The following SLFN11 variants were observed in gnomAD, a reference collection of about 807,000 sequenced individuals.
SLFN11 encodes schlafen family member 11.
In SLFN11, 43 loss-of-function variants were observed where a neutral mutation model predicts 53.4. The ratio of observed to expected loss-of-function variants is 0.80; its 90% CI spans 0.63 to 1.04. SLFN11 has a LOEUF of 1.04. Ranked by LOEUF, SLFN11 falls within the 50% of genes least tolerant of loss-of-function variation. The pLI is 0.00. For synonymous variants in SLFN11, 389 were observed against 394.7 expected (o/e 0.99, Z 0.17); for missense variants, 990 against 1,079.1 (o/e 0.92, Z 1.16).
chr17:35,363,666 G>A lies in SLFN11; in HGVS notation c.142C>T (p.Arg48Trp), dbSNP rs192676350. 3.1e-5 allele frequency: 50 copies of A among 1,613,822 alleles called. No individual in the cohort carries two copies. In the East Asian group the frequency reaches 5.6e-4, roughly 18 times the overall value. Residue 48 changes from arginine to tryptophan, a missense_variant, in exon 4 of 7, where the codon CGG (arginine) becomes TGG (tryptophan). Arg to Trp is a moderately radical substitution (Grantham distance 101, BLOSUM62 -3). This residue lies in a region of SLFN11 where 521 missense variants were observed against 516.2 expected (regional missense o/e 1.01). Transcript: ENST00000685675. ...GAGTTTAATAAAGCACATGCAGCCC[G>A]CATAACTCTCTCCTTCTCTTGGTCT... The part of the protein sequence containing the change: ...QRDQEKERVM[R>W]AACALLNSGG...
At chr17:35,365,614 T>C in intron 3 of SLFN11, among the ~76,000 whole-genome samples, 1 of 152,044 alleles carries the variant, frequency 6.6e-6, no homozygotes, top group Non-Finnish European at 1.5e-5. Flanking sequence ...ATTTTAATAA[T>C]AGAATGGAGA....
At position 35,352,694 on chromosome 17, in the gene SLFN11, T is replaced by A; in HGVS notation, c.2368A>T (p.Thr790Ser). 1 of 1,614,180 alleles carries A rather than the reference T, an allele frequency of 6.2e-7. No individual in the cohort carries two copies. The change falls in exon 7 of 7, where the codon ACC becomes TCC. Residue 790 changes from threonine (T) to serine (S), a missense_variant. Thr to Ser is a moderately conservative substitution (Grantham distance 58, BLOSUM62 1). This residue lies in a region of SLFN11 where 313 missense variants were observed against 320.9 expected (regional missense o/e 0.98). Transcript: ENST00000685675. The part of the protein sequence containing the change: ...KKYLTVEQIM[T>S]CVADTCRRFF... Reference sequence around the variant, plus strand: ...CGCCTGCACGTGTCTGCCACACAGGTCATTATTTGCTCCACAGTCAAGTAT... The same window carrying A: ...CGCCTGCACGTGTCTGCCACACAGGACATTATTTGCTCCACAGTCAAGTAT...
At chr17:35,357,139 C>CGT (rs35291259) in intron 5 of SLFN11, among the ~76,000 whole-genome samples, 8,369 of 142,742 alleles carry the variant, frequency 0.059, 268 homozygotes, top group East Asian at 0.096. Flanking sequence ...TTTTTCTGTG[C>CGT]GTGTGTGTGT....
rs147050533 is a variant in SLFN11 at position 35,371,379 on chromosome 17, C to T, written c.-235+2095G>A. ...ACACTGTGAAACTACTACAAGTAAA[C>T]ATTGGGTAAGATCTCCAGGACATTG... On this transcript the variant is annotated intron_variant, in intron 1 of 6. Coordinates refer to ENST00000685675, the MANE Select transcript of SLFN11 (RefSeq NM_001376007.1). 4.6e-5 allele frequency among the ~76,000 whole-genome samples: 7 copies of T among 152,214 alleles called. No individual in the cohort carries two copies. In the East Asian group the frequency reaches 1.3e-3, roughly 29 times the overall value.
At position 35,352,405 on chromosome 17, in the gene SLFN11, GC is replaced by G; in HGVS notation, c.2656del (p.Ala886LeufsTer31). On this transcript the variant is annotated frameshift_variant, in exon 7 of 7. Transcript: ENST00000685675. LOFTEE classifies it low-confidence loss of function (END_TRUNC). ...ATACAGGTGTTGTTTTGCCCTGGAA[GC>G]CAGACAGATCAGAACATTGGGTAAG... ...AILPNVLICLASRAKQHLYIF... is the reference protein window; with the variant it reads ...AILPNVLICLXSRAKQHLYIF... The G allele has an allele frequency of 6.2e-7, 1 of 1,614,214 alleles. No individual in the cohort carries two copies. The highest frequency in any genetic ancestry group is 8.5e-7 in the Non-Finnish European group (1 of 1,180,046).
chr17:35,353,962 T>G lies in SLFN11; in HGVS notation c.1296A>C (p.Gln432His). 6.2e-7 allele frequency: 1 copy of G among 1,614,054 alleles called. No homozygotes were observed. Among genetic ancestry groups the G allele is most frequent in the Non-Finnish European group, 8.5e-7 (1 of 1,180,004 alleles). ...AGATCAAAATTCCCCGAAAGAAAGG[T>G]TGCATTTGCTTATTTATTAACTCCT... is the stretch of plus-strand genomic sequence containing the variant. ...GLEELINKQMQPFFRGILIFS... is the reference protein window; with the variant it reads ...GLEELINKQMHPFFRGILIFS... Residue 432 changes from glutamine (Q) to histidine (H), a missense_variant, in exon 6 of 7, where the codon CAA becomes CAC. Physicochemically the swap from Gln to His is conservative, Grantham distance 24 (BLOSUM62 0). Around this residue, in one of 3 missense-constraint regions of SLFN11, gnomAD observed 521 missense variants for 516.2 expected, o/e 1.01. Transcript: ENST00000685675.
At chr17:35,358,117 A>C (rs1216745706) in intron 5 of SLFN11, among the ~76,000 whole-genome samples, 1 of 150,724 alleles carries the variant, frequency 6.6e-6, no homozygotes, top group Non-Finnish European at 1.5e-5. Flanking sequence ...TCCCTGATTC[A>C]CTTATGCTTC....
chr17:35,362,736 T>TA lies in SLFN11; in HGVS notation c.1069+2dup. ...AGGGAGGGAGGAGCTTTCTCCCTCT[T>TA]ACCTGGATCTGTGTCTGTCATCATG... On this transcript the variant is annotated splice_region_variant and intron_variant, in intron 4 of 6. Coordinates refer to ENST00000685675, the MANE Select transcript of SLFN11 (RefSeq NM_001376007.1). 6.5e-7 allele frequency: 1 copy of TA among 1,542,514 alleles called. No individual in the cohort carries two copies. The highest frequency in any genetic ancestry group is 1.2e-5 in the South Asian group (1 of 80,056).
intron 1 of SLFN11, among the ~76,000 whole-genome samples, chr17:35,371,461 A>G (rs749378729): frequency 6.6e-6 from 1 of 152,108 alleles, no homozygotes; most frequent in Non-Finnish European, 1.5e-5. Context: ...TAAAGCAAAA[A>G]TGGACAAATG....
Position 35,353,506 on chromosome 17 carries a change from T to C in SLFN11, c.1752A>G (p.Ile584Met). The C allele has an allele frequency of 6.6e-7, 1 of 1,520,990 alleles. No individual in the cohort carries two copies. The highest frequency in any genetic ancestry group is 8.9e-7 in the Non-Finnish European group (1 of 1,119,966). 94.2% of individuals were successfully genotyped at this position (1,520,990 alleles called of 1,614,324 possible). A position where few individuals can be genotyped will look rare whatever the true frequency, so the allele number is the denominator to read the frequency against. ...LNLLTAQQYEIFSRSLRKNRE... is the reference protein window; with the variant it reads ...LNLLTAQQYEMFSRSLRKNRE... Reference sequence around the variant, plus strand: ...TGTTCTTGCGGAGGCTTCTGGAGAATATCTCATACTGCTGGGCTGTGAGCA... The same window carrying C: ...TGTTCTTGCGGAGGCTTCTGGAGAACATCTCATACTGCTGGGCTGTGAGCA... The change falls in exon 6 of 7, where the codon ATA becomes ATG. Residue 584 changes from isoleucine (I) to methionine (M), a missense_variant. Coordinates refer to ENST00000685675, the MANE Select transcript of SLFN11 (RefSeq NM_001376007.1).
At chr17:35,359,092 C>A (rs959038784) in intron 5 of SLFN11, among the ~76,000 whole-genome samples, 2 of 151,948 alleles carry the variant, frequency 1.3e-5, no homozygotes, top group Non-Finnish European at 2.9e-5. Flanking sequence ...GTAAAAAATG[C>A]CTATTTTTCA....
chr17:35,369,343 GGTTGT>G (rs1199629078), intron 1 of SLFN11, among the ~76,000 whole-genome samples: 1 of 152,080 alleles, frequency 6.6e-6, no homozygotes, highest in Non-Finnish European at 1.5e-5. Flanking sequence ...GTGAACCCGT[GGTTGT>G]GTTGGCCACA....
At position 35,353,084 on chromosome 17, in the gene SLFN11, C is replaced by T; in HGVS notation, c.1978G>A (p.Glu660Lys). The T allele has an allele frequency of 6.2e-7, 1 of 1,614,126 alleles. No homozygotes were observed. Among genetic ancestry groups the T allele is most frequent in the East Asian group, 2.2e-5 (1 of 44,882 alleles). The change falls in exon 7 of 7, where the codon GAA (glutamate) becomes AAA (lysine). Residue 660 changes from glutamate (E) to lysine (K), a missense_variant. Physicochemically the swap from Glu to Lys is moderately conservative, Grantham distance 56. Coordinates refer to ENST00000685675, the MANE Select transcript of SLFN11 (RefSeq NM_001376007.1). ...TRKTFLRENF[E>K]HIQHIVIDEA... is the part of the protein sequence containing the mutation. ...TCAATGACGATGTGTTGAATGTGTT[C>T]AAAGTTTTCTCTTAGGAAAGTTTTC...
intron 3 of SLFN11, among the ~76,000 whole-genome samples, chr17:35,365,269 G>A (rs898515314): frequency 6.6e-6 from 1 of 152,030 alleles, no homozygotes; most frequent in Admixed American, 6.6e-5. Context: ...TGAGACAGAG[G>A]CACTTGGTAT....
chr17:35,352,693 G>T lies in SLFN11; in HGVS notation c.2369C>A (p.Thr790Asn), dbSNP rs148600188. The change falls in exon 7 of 7, where the codon ACC (threonine) becomes AAC (asparagine). Residue 790 changes from threonine to asparagine, a missense_variant. Physicochemically the swap from Thr to Asn is moderately conservative, Grantham distance 65 (BLOSUM62 0). Transcript: ENST00000685675. ...KKYLTVEQIM[T>N]CVADTCRRFF... The stretch of plus-strand genomic sequence containing the variant: ...GCGCCTGCACGTGTCTGCCACACAG[G>T]TCATTATTTGCTCCACAGTCAAGTA... 2 of 1,614,186 alleles carry T rather than the reference G, an allele frequency of 1.2e-6. No homozygotes were observed. The highest frequency in any genetic ancestry group is 1.7e-6 in the Non-Finnish European group (2 of 1,180,044).
In SLFN11 at chr17:35,363,665, C is replaced by G. The variant is rs773776714; in HGVS notation, c.143G>C (p.Arg48Pro). 4.3e-6 allele frequency: 7 copies of G among 1,613,758 alleles called. No homozygotes were observed. In the South Asian group the frequency reaches 7.7e-5, roughly 18 times the overall value. The change falls in exon 4 of 7, where the codon CGG (arginine) becomes CCG (proline). Residue 48 changes from arginine to proline, a missense_variant. Arg to Pro is a moderately radical substitution (Grantham distance 103, BLOSUM62 -2). Transcript: ENST00000685675. ...QRDQEKERVM[R>P]AACALLNSGG... is the part of the protein sequence containing the mutation. ...TGAGTTTAATAAAGCACATGCAGCC[C>G]GCATAACTCTCTCCTTCTCTTGGTC...
rs369265322 is a variant in SLFN11 at position 35,371,512 on chromosome 17, G to A, written c.-235+1962C>T. On this transcript the variant is annotated intron_variant, in intron 1 of 6. Coordinates refer to ENST00000685675, the MANE Select transcript of SLFN11 (RefSeq NM_001376007.1). ...AAAAAGCTTCTGCACAGCAAAGAAC[G>A]CAATCAACAAAGTGAAAAGACAACC... 3.9e-5 allele frequency among the ~76,000 whole-genome samples: 6 copies of A among 152,062 alleles called. 1 individual carries two copies. In the South Asian group the frequency reaches 1.0e-3, roughly 26 times the overall value.
At chr17:35,356,797 TACACAC>T (rs61566848) in intron 5 of SLFN11, among the ~76,000 whole-genome samples, 144 of 140,180 alleles carry the variant, frequency 1.0e-3, no homozygotes, top group South Asian at 4.1e-3. Flanking sequence ...ATATGTAGCA[TACACAC>T]ACACACACAC....
In SLFN11 at chr17:35,353,016, C is replaced by T. The variant is rs751489683; in HGVS notation, c.2046G>A (p.Gly682=). Residue 682 remains glycine (G), a synonymous_variant, in exon 7 of 7, where the codon GGG becomes GGA. Coordinates refer to ENST00000685675, the MANE Select transcript of SLFN11 (RefSeq NM_001376007.1). The part of the protein sequence containing the change: ...NFRTEDGDWY[G]KAKSITRRAK... ...CTCTCCGAGTGATGCTTTTTGCCTT[C>T]CCATACCAGTCCCCATCTTCAGTAC... 13 of 1,614,176 alleles carry T rather than the reference C, an allele frequency of 8.1e-6. No homozygotes were observed. The highest frequency in any genetic ancestry group is 1.0e-5 in the Non-Finnish European group (12 of 1,180,028).
Sources: allele counts gnomAD v4.1 joint callset (sites outside exome capture counted in the v4.1 genomes callset), GRCh38; gene constraint gnomAD v4.1.1; regional missense constraint gnomAD v4.1.1; transcripts MANE v1.5; gene names NCBI Gene and HGNC (gene_info 2026-07-23, HGNC 2026-07-21).